The following TPRG1 variants were observed in gnomAD, a reference collection of about 807,000 sequenced individuals.
TPRG1 encodes tumor protein p63-regulated gene 1 protein.
TPRG1 carries 29 observed loss-of-function variants against 29.3 expected under a neutral mutation model. The observed-to-expected ratio is 0.99, with a 90% CI of 0.74 to 1.35. The LOEUF is 1.35. Ranked by LOEUF, TPRG1 falls within the 40% of genes most tolerant of loss-of-function variation. TPRG1 has a pLI of 0.00. For missense variants in TPRG1, 327 were observed against 335.0 expected (o/e 0.98, Z 0.19); for synonymous variants, 130 against 116.8 (o/e 1.11, Z -0.73).
chr3:189,309,598 G>A (rs529551953), intron 4 of TPRG1, among the ~76,000 whole-genome samples: 1 of 152,076 alleles, frequency 6.6e-6, no homozygotes, highest in East Asian at 1.9e-4. Flanking sequence ...TGCAAAAGAG[G>A]CCTCAGAAAC....
At chr3:189,310,044 G>A (rs1242234365) in intron 4 of TPRG1, 1 of 164,516 alleles carries the variant, frequency 6.1e-6, no homozygotes, top group Admixed American at 6.1e-5. Context: ...CACCTGAACT[G>A]TTCTGTTACT....
At chr3:189,025,079 C>T (rs1008728711) in intron 4 of TPRG1, among the ~76,000 whole-genome samples, 1 of 152,160 alleles carries the variant, frequency 6.6e-6, no homozygotes, top group Non-Finnish European at 1.5e-5. Context: ...CAACATCCTG[C>T]CTTGCCTGAG....
Position 189,076,774 on chromosome 3 carries a change from A to G in TPRG1, c.-462-50283A>G, listed in dbSNP as rs1216670036. Reference sequence around the variant, plus strand: ...ACTAATGGGCCACCTAGGCAAATGTATCACTGTTTATACTGGAAATGACAG... The same window carrying G: ...ACTAATGGGCCACCTAGGCAAATGTGTCACTGTTTATACTGGAAATGACAG... On this transcript the variant is annotated intron_variant, in intron 4 of 10. Coordinates refer to the TPRG1 transcript ENST00000433971. Among the ~76,000 whole-genome samples, 3 of 152,284 alleles carry G rather than the reference A, an allele frequency of 2.0e-5. No individual in the cohort carries two copies. The South Asian group carries it at 6.2e-4, about 32-fold the overall frequency.
At chr3:189,186,476 C>T (rs1398290063) in intron 1 of TPRG1, among the ~76,000 whole-genome samples, 4 of 152,098 alleles carry the variant, frequency 2.6e-5, no homozygotes, top group South Asian at 2.1e-4. Flanking sequence ...TTCTGATTTC[C>T]TACCCTTGGT....
chr3:189,233,965 G>T (rs1271975013), intron 3 of TPRG1, among the ~76,000 whole-genome samples: 1 of 152,140 alleles, frequency 6.6e-6, no homozygotes, highest in African/African-American at 2.4e-5. Context: ...CAAACTCCCG[G>T]ACTGAAGTGG....
chr3:189,251,844 A>G (rs1288318275), intron 4 of TPRG1, among the ~76,000 whole-genome samples: 4 of 152,116 alleles, frequency 2.6e-5, no homozygotes, highest in African/African-American at 9.7e-5. Context: ...GGCAGGAGAC[A>G]GATGCCTTCC....
chr3:189,221,690 T>G (rs998288867), intron 3 of TPRG1, among the ~76,000 whole-genome samples: 1 of 152,190 alleles, frequency 6.6e-6, no homozygotes, highest in Non-Finnish European at 1.5e-5. Context: ...GATCAGGGAC[T>G]GTTTTCCAGG....
chr3:189,093,041 G>T (rs2152181641), intron 4 of TPRG1, among the ~76,000 whole-genome samples: 1 of 151,940 alleles, frequency 6.6e-6, no homozygotes, highest in Non-Finnish European at 1.5e-5. Flanking sequence ...TAAATATACA[G>T]ATATTTGCCT....
intron 4 of TPRG1, among the ~76,000 whole-genome samples, chr3:189,073,825 A>G (rs1434037755): frequency 6.6e-6 from 1 of 152,146 alleles, no homozygotes; most frequent in Admixed American, 6.5e-5. Flanking sequence ...AGTAATATGT[A>G]TGCTTCTATT....
At chr3:189,158,993 G>A (rs1380285353) in intron 5 of TPRG1, among the ~76,000 whole-genome samples, 2 of 150,910 alleles carry the variant, frequency 1.3e-5, no homozygotes, top group African/African-American at 4.9e-5. Context: ...CCTCTTAAGA[G>A]GAATTATTCT....
At chr3:189,246,604 A>T (rs1056502080) in intron 4 of TPRG1, among the ~76,000 whole-genome samples, 1 of 152,116 alleles carries the variant, frequency 6.6e-6, no homozygotes, top group African/African-American at 2.4e-5. Context: ...CTTCCATAAG[A>T]TTCATTTCCC....
intron 1 of TPRG1, among the ~76,000 whole-genome samples, chr3:189,194,885 C>G (rs1288373004): frequency 6.6e-6 from 1 of 152,130 alleles, no homozygotes; most frequent in African/African-American, 2.4e-5. Context: ...GGGGACAGCA[C>G]AGTGATGACT....
intron 4 of TPRG1, among the ~76,000 whole-genome samples, chr3:189,278,486 G>A (rs1351918676): frequency 2.0e-5 from 3 of 152,144 alleles, no homozygotes; most frequent in African/African-American, 7.2e-5. Context: ...GTCAGTAATG[G>A]GCTAAATGAT....
At chr3:189,318,309 C>G (rs1039092981) in intron 5 of TPRG1, among the ~76,000 whole-genome samples, 3 of 152,130 alleles carry the variant, frequency 2.0e-5, no homozygotes, top group Non-Finnish European at 4.4e-5. Context: ...ATTTGTGACT[C>G]TACTTCATAG....
chr3:189,068,649 G>A (rs1457009480), intron 4 of TPRG1, among the ~76,000 whole-genome samples: 2 of 152,106 alleles, frequency 1.3e-5, no homozygotes, highest in South Asian at 2.1e-4. Context: ...GGTGGCGGTC[G>A]CCTGTAATCC....
chr3:189,121,319 T>C (rs1721802886), intron 1 of TPRG1: 1 of 152,212 alleles, frequency 6.6e-6, no homozygotes, highest in Non-Finnish European at 1.5e-5. Context: ...CTCAGCCTCC[T>C]TGAGGTTAGG....
In TPRG1 at chr3:189,238,197, T is replaced by G. The variant is rs117401598; in HGVS notation, c.303-536T>G. 1.5e-3 allele frequency among the ~76,000 whole-genome samples: 224 copies of G among 152,332 alleles called. 4 individuals are homozygous for G. The East Asian group carries it at 0.042, about 29-fold the overall frequency. On this transcript the variant is annotated intron_variant, in intron 3 of 5. Transcript: ENST00000345063. ...CTACATTTCTACCACAAGGATATGG[T>G]AGGATGAGCTGCAAATAGGAATGAG... is the stretch of plus-strand genomic sequence containing the variant.
chr3:189,092,560 T>G (rs993571890), intron 4 of TPRG1, among the ~76,000 whole-genome samples: 6 of 152,096 alleles, frequency 3.9e-5, no homozygotes, highest in African/African-American at 1.4e-4. Flanking sequence ...TTTGTTTCCT[T>G]CTTTTAAAAA....
At chr3:189,271,977 G>C in intron 4 of TPRG1, among the ~76,000 whole-genome samples, 1 of 152,186 alleles carries the variant, frequency 6.6e-6, no homozygotes, top group South Asian at 2.1e-4. Context: ...AGCCTAATGT[G>C]GTGTTTGTGC....
Sources: gnomAD v4.1 joint callset for allele counts (sites outside exome capture counted in the v4.1 genomes callset) on GRCh38, gnomAD v4.1.1 for gene constraint, MANE v1.5 for transcripts, NCBI Gene and HGNC (gene_info 2026-07-23, HGNC 2026-07-21) for gene names.